Variants in TENM2 observed in about 807,000 individuals in gnomAD.
TENM2 encodes the protein teneurin-2.
In TENM2, 52 loss-of-function variants were observed where a neutral mutation model predicts 245.2. The ratio of observed to expected loss-of-function variants is 0.21; its 90% CI spans 0.17 to 0.27. TENM2 has a LOEUF of 0.27. Ranked by LOEUF, TENM2 falls within the 10% of genes least tolerant of loss-of-function variation. The probability of loss-of-function intolerance (pLI) is 1.00; values close to 1 mark genes in which losing one functional copy is unlikely to be tolerated. For synonymous variants in TENM2, 1,363 were observed against 1,438.9 expected, an observed-to-expected ratio of 0.95 and a Z score of 1.19; for missense variants, 3,046 against 3,666.8, an observed-to-expected ratio of 0.83 and a Z score of 4.37.
At chr5:167,224,010 G>C in the TENM2 span, among the ~76,000 whole-genome samples, 31 of 152,178 alleles carry the variant, frequency 2.0e-4, no homozygotes, top group Admixed American at 2.0e-3. Context: ...TGTCTATCAT[G>C]TTCTTTGCCC....
the TENM2 span, among the ~76,000 whole-genome samples, chr5:167,234,728 G>A: frequency 6.6e-6 from 1 of 152,196 alleles, no homozygotes; most frequent in Non-Finnish European, 1.5e-5. Flanking sequence ...GAGTCATGAT[G>A]TTTAAAAACT....
intron 4 of TENM2, among the ~76,000 whole-genome samples, chr5:167,980,982 C>T (rs1333129602): frequency 6.6e-6 from 1 of 152,174 alleles, no homozygotes; most frequent in Non-Finnish European, 1.5e-5. Flanking sequence ...GCCAACAGAG[C>T]TCAGCCAAGT....
chr5:167,396,492 G>T (rs1645292685), intron 2 of TENM2, among the ~76,000 whole-genome samples: 1 of 152,142 alleles, frequency 6.6e-6, no homozygotes, highest in Non-Finnish European at 1.5e-5. Context: ...TTAAATAGGG[G>T]TGTCAGTGAA....
At chr5:167,974,998 T>C (rs181587517) in intron 4 of TENM2, among the ~76,000 whole-genome samples, 1 of 152,250 alleles carries the variant, frequency 6.6e-6, no homozygotes, top group Non-Finnish European at 1.5e-5. Flanking sequence ...GCCTTCAAGA[T>C]GTCTGGAAAG....
At chr5:167,273,819 G>A in the TENM2 span, among the ~76,000 whole-genome samples, 1 of 152,186 alleles carries the variant, frequency 6.6e-6, no homozygotes, top group Non-Finnish European at 1.5e-5. Context: ...TGTGTACCTA[G>A]TTTAAAATTG....
chr5:167,422,170 T>C (rs937735212), intron 2 of TENM2, among the ~76,000 whole-genome samples: 4 of 152,222 alleles, frequency 2.6e-5, no homozygotes, highest in Non-Finnish European at 5.9e-5. Context: ...ACGTCGTATT[T>C]GTTTGGCACT....
At chr5:167,163,814 A>T in the TENM2 span, among the ~76,000 whole-genome samples, 3 of 152,186 alleles carry the variant, frequency 2.0e-5, no homozygotes, top group Non-Finnish European at 4.4e-5. Flanking sequence ...GAAAAAACAA[A>T]GGTATTTTGA....
At chr5:167,556,481 C>T (rs773892664) in intron 2 of TENM2, among the ~76,000 whole-genome samples, 1 of 150,720 alleles carries the variant, frequency 6.6e-6, no homozygotes, top group African/African-American at 2.4e-5. Flanking sequence ...TTTGCTTATT[C>T]TAGTTGTGTT....
At chr5:167,497,084 A>C (rs1431904565) in intron 2 of TENM2, among the ~76,000 whole-genome samples, 1 of 152,084 alleles carries the variant, frequency 6.6e-6, no homozygotes, top group East Asian at 1.9e-4. Flanking sequence ...CTCTGGCTAA[A>C]TGGAGGACCA....
intron 6 of TENM2, among the ~76,000 whole-genome samples, chr5:168,060,699 TA>T (rs1789960851): frequency 6.6e-6 from 1 of 152,214 alleles, no homozygotes; most frequent in African/African-American, 2.4e-5. Flanking sequence ...CCTCATATTT[TA>T]AAGAAAATAA....
At chr5:167,921,469 A>T (rs1007079279) in intron 3 of TENM2, among the ~76,000 whole-genome samples, 1 of 152,230 alleles carries the variant, frequency 6.6e-6, no homozygotes, top group Non-Finnish European at 1.5e-5. Flanking sequence ...GTCAATGTGA[A>T]GAATATCCAC....
intron 2 of TENM2, among the ~76,000 whole-genome samples, chr5:167,550,869 C>T (rs978373091): frequency 2.6e-5 from 4 of 152,002 alleles, no homozygotes; most frequent in Non-Finnish European, 5.9e-5. Flanking sequence ...GCTGGGACTA[C>T]AGGCATGAGC....
At chr5:167,349,267 C>A (rs955204945) in intron 1 of TENM2, among the ~76,000 whole-genome samples, 3 of 152,126 alleles carry the variant, frequency 2.0e-5, no homozygotes, top group African/African-American at 7.2e-5. Flanking sequence ...GGTGTAGTTT[C>A]CTCAGATGTG....
At chr5:167,566,798 T>C (rs1421198266) in intron 2 of TENM2, among the ~76,000 whole-genome samples, 1 of 152,176 alleles carries the variant, frequency 6.6e-6, no homozygotes, top group East Asian at 1.9e-4. Context: ...CGGTCCACCA[T>C]GGGAAGCAGA....
the TENM2 span, among the ~76,000 whole-genome samples, chr5:167,088,168 C>T: frequency 2.0e-5 from 3 of 152,076 alleles, no homozygotes; most frequent in Non-Finnish European, 4.4e-5. Context: ...GATGACCAAG[C>T]TGTAATTATT....
chr5:167,372,729 C>T (rs895518181), intron 1 of TENM2, among the ~76,000 whole-genome samples: 1 of 152,202 alleles, frequency 6.6e-6, no homozygotes, highest in East Asian at 1.9e-4. Context: ...CCAGAAGGAA[C>T]TTGCTCTCTA....
intron 7 of TENM2, among the ~76,000 whole-genome samples, chr5:168,082,875 C>A (rs1333920526): frequency 6.6e-6 from 1 of 152,202 alleles, no homozygotes; most frequent in Admixed American, 6.5e-5. Context: ...TGGGAGGTGT[C>A]TCCCAGTTAG....
intron 12 of TENM2, among the ~76,000 whole-genome samples, chr5:168,149,068 T>G (rs1012438086): frequency 6.6e-6 from 1 of 152,112 alleles, no homozygotes; most frequent in African/African-American, 2.4e-5. Flanking sequence ...AGAGACCCTA[T>G]TGCCAAGAAT....
At chr5:167,838,396 G>A (rs928821110) in intron 2 of TENM2, among the ~76,000 whole-genome samples, 10 of 152,112 alleles carry the variant, frequency 6.6e-5, no homozygotes, top group South Asian at 2.1e-4. Flanking sequence ...GTATGAATGC[G>A]TTCAAAGTGG....
Sources: gnomAD v4.1 joint callset for allele counts (sites outside exome capture counted in the v4.1 genomes callset) on GRCh38, gnomAD v4.1.1 for gene constraint, MANE v1.5 for transcripts, NCBI Gene and HGNC (gene_info 2026-07-23, HGNC 2026-07-21) for gene names.